The following GRM8 variants were observed in gnomAD, a reference collection of about 807,000 sequenced individuals.
GRM8 encodes the protein glutamate metabotropic receptor 8, also known as metabotropic glutamate receptor 8.
GRM8 carries 47 observed loss-of-function variants against 87.2 expected under a neutral mutation model. The observed-to-expected ratio is 0.54, with a 90% CI of 0.43 to 0.69. The LOEUF (loss-of-function observed/expected upper bound fraction) is 0.69. GRM8 is among the 30% of genes least tolerant of loss of function. GRM8 has a pLI of 0.00. For synonymous variants in GRM8, 396 were observed against 404.5 expected (o/e 0.98, Z 0.25); for missense variants, 1,019 against 1,139.2 (o/e 0.89, Z 1.52).
intron 2 of GRM8, among the ~76,000 whole-genome samples, chr7:127,168,927 G>A (rs112665197): frequency 0.021 from 3,130 of 151,582 alleles, 101 homozygotes; most frequent in African/African-American, 0.072. Flanking sequence ...GTTGATGGGC[G>A]CAGCAAACCA....
intron 7 of GRM8, among the ~76,000 whole-genome samples, chr7:126,639,089 G>A (rs558347023): frequency 1.9e-4 from 29 of 152,270 alleles, no homozygotes; most frequent in Non-Finnish European, 3.5e-4. Context: ...CCTAAAATGC[G>A]TATCTGTCTT....
At chr7:126,637,951 A>G (rs570828476) in intron 7 of GRM8, among the ~76,000 whole-genome samples, 3 of 152,202 alleles carry the variant, frequency 2.0e-5, no homozygotes, top group Non-Finnish European at 2.9e-5. Context: ...CTTCATAAAA[A>G]TGGGTCATTT....
chr7:126,799,491 G>A (rs963212555), intron 6 of GRM8, among the ~76,000 whole-genome samples: 1 of 152,144 alleles, frequency 6.6e-6, no homozygotes, highest in Non-Finnish European at 1.5e-5. Flanking sequence ...TGATATTTAT[G>A]AGTAAGGTCA....
intron 7 of GRM8, among the ~76,000 whole-genome samples, chr7:126,639,041 C>T (rs1802123074): frequency 6.6e-6 from 1 of 152,204 alleles, no homozygotes; most frequent in Non-Finnish European, 1.5e-5. Context: ...TCCCCAGGGA[C>T]ATCCACTCTC....
intron 9 of GRM8, among the ~76,000 whole-genome samples, chr7:126,485,825 T>C (rs991085041): frequency 6.6e-6 from 1 of 151,936 alleles, no homozygotes; most frequent in African/African-American, 2.4e-5. Context: ...GGGACATGCC[T>C]CATTATACTC....
chr7:126,741,916 G>A (rs1815052036), intron 7 of GRM8, among the ~76,000 whole-genome samples: 1 of 152,108 alleles, frequency 6.6e-6, no homozygotes. Flanking sequence ...GTGATGAGGA[G>A]GAGGATTAAA....
At chr7:127,230,628 T>TTAACTCATAAGCA (rs1181746593) in intron 2 of GRM8, among the ~76,000 whole-genome samples, 1 of 152,144 alleles carries the variant, frequency 6.6e-6, no homozygotes, top group African/African-American at 2.4e-5. Flanking sequence ...TAAGAGGTAA[T>TTAACTCATAAGCA]TAACTCATAA....
chr7:126,558,438 C>T (rs1215444248), intron 8 of GRM8, among the ~76,000 whole-genome samples: 1 of 152,068 alleles, frequency 6.6e-6, no homozygotes, highest in African/African-American at 2.4e-5. Context: ...GTAGCTTAAC[C>T]ACAAAGCCAC....
At chr7:126,992,812 TG>T in intron 3 of GRM8, among the ~76,000 whole-genome samples, 1 of 150,686 alleles carries the variant, frequency 6.6e-6, no homozygotes, top group South Asian at 2.1e-4. Context: ...TCTCCGTGTG[TG>T]TGTGTGTGTG....
At position 127,243,082 on chromosome 7, in the gene GRM8, C is replaced by T. The variant is rs1230957713; in HGVS notation, c.123G>A (p.Arg41=). Residue 41 remains arginine, a synonymous_variant, in exon 2 of 11, where the codon CGG becomes CGA. Coordinates refer to ENST00000339582, the MANE Select transcript of GRM8 (RefSeq NM_000845.3). ...CCCCCAAAATAATGTCCCCATCCAC[C>T]CGTATGGAATGGGCATACTCCTGGC... ...THSQEYAHSI[R]VDGDIILGGL... 3 of 1,613,968 alleles carry T rather than the reference C, an allele frequency of 1.9e-6. No individual in the cohort carries two copies. The African/African-American group carries it at 4.0e-5, about 22-fold the overall frequency.
intron 2 of GRM8, among the ~76,000 whole-genome samples, chr7:127,240,720 G>A (rs544008497): frequency 1.2e-4 from 18 of 152,214 alleles, no homozygotes; most frequent in African/African-American, 4.3e-4. Context: ...GGTGAGGAGG[G>A]AGTTCAAATC....
chr7:126,647,215 A>AC, intron 7 of GRM8, among the ~76,000 whole-genome samples: 2 of 152,034 alleles, frequency 1.3e-5, no homozygotes, highest in East Asian at 1.9e-4. Flanking sequence ...ACACAGCAAG[A>AC]CCCCCCTAAA....
intron 3 of GRM8, among the ~76,000 whole-genome samples, chr7:126,924,693 C>A (rs146605538): frequency 6.6e-6 from 1 of 151,948 alleles, no homozygotes. Context: ...AAGCTGATGA[C>A]GTCAGTAAGA....
intron 3 of GRM8, among the ~76,000 whole-genome samples, chr7:127,055,751 A>T (rs1819919906): frequency 6.6e-6 from 1 of 152,050 alleles, no homozygotes; most frequent in South Asian, 2.1e-4. Flanking sequence ...CTCAGATTCT[A>T]CTGTTTCAAA....
intron 2 of GRM8, among the ~76,000 whole-genome samples, chr7:127,202,701 C>T (rs1319192881): frequency 1.3e-5 from 2 of 151,934 alleles, no homozygotes; most frequent in South Asian, 4.2e-4. Context: ...GATGGGTGAG[C>T]CAGAATTTGG....
chr7:126,472,905 C>T (rs1341759855), intron 9 of GRM8, among the ~76,000 whole-genome samples: 1 of 152,192 alleles, frequency 6.6e-6, no homozygotes, highest in Admixed American at 6.5e-5. Flanking sequence ...CAAGCTTTGG[C>T]AGTTTATAAA....
chr7:127,204,133 T>C (rs567576336), intron 2 of GRM8, among the ~76,000 whole-genome samples: 1 of 152,332 alleles, frequency 6.6e-6, no homozygotes, highest in African/African-American at 2.4e-5. Flanking sequence ...ATTCACTGAA[T>C]TGTAGACACA....
At chr7:126,711,682 TGTTA>T (rs1811107379) in intron 7 of GRM8, among the ~76,000 whole-genome samples, 2 of 152,250 alleles carry the variant, frequency 1.3e-5, no homozygotes, top group Non-Finnish European at 2.9e-5. Context: ...ACTGAAAATC[TGTTA>T]TTTAGCATGG....
At chr7:126,989,713 A>G (rs1015868540) in intron 3 of GRM8, among the ~76,000 whole-genome samples, 6 of 152,236 alleles carry the variant, frequency 3.9e-5, no homozygotes, top group African/African-American at 1.4e-4. Context: ...AGGCCAAGGC[A>G]GGCAGATTGC....
Sources: gnomAD v4.1 joint callset for allele counts (sites outside exome capture counted in the v4.1 genomes callset) on GRCh38, gnomAD v4.1.1 for gene constraint, MANE v1.5 for transcripts, NCBI Gene and HGNC (gene_info 2026-07-23, HGNC 2026-07-21) for gene names.